Variants in REEP3 observed in about 807,000 individuals in gnomAD.
The protein encoded by REEP3 is receptor expression-enhancing protein 3.
A neutral mutation model predicts 41.3 loss-of-function variants in REEP3; 20 were observed. The ratio of observed to expected loss-of-function variants is 0.48; its 90% CI spans 0.34 to 0.70. The LOEUF is 0.70. REEP3 is among the 30% of genes least tolerant of loss of function. The pLI is 0.01. For missense variants in REEP3, 271 were observed against 308.8 expected, an observed-to-expected ratio of 0.88 and a Z score of 0.92; for synonymous variants, 104 against 101.8, an observed-to-expected ratio of 1.02 and a Z score of -0.13.
At chr10:63,577,530 C>A (rs1435261264) in intron 2 of REEP3, among the ~76,000 whole-genome samples, 1 of 152,060 alleles carries the variant, frequency 6.6e-6, no homozygotes, top group African/African-American at 2.4e-5. Flanking sequence ...TTCATGCGAT[C>A]CTCCCTCCTT....
At chr10:63,547,379 A>C (rs1404606187) in intron 1 of REEP3, among the ~76,000 whole-genome samples, 1 of 152,232 alleles carries the variant, frequency 6.6e-6, no homozygotes, top group Non-Finnish European at 1.5e-5. Context: ...AGAAGCCAAA[A>C]TGGGAGAAAA....
rs545489073 is a variant in REEP3 at position 63,609,401 on chromosome 10, G to A, written c.418-786G>A. Among the ~76,000 whole-genome samples, 9 of 146,128 alleles carry A rather than the reference G, an allele frequency of 6.2e-5. No homozygotes were observed. In the South Asian group the frequency reaches 6.6e-4, roughly 11 times the overall value. ...TGGGAGGCGGAGCTTGCAGTGAGCC[G>A]AGATTGCGCCACTGCACTCCAGCTT... On this transcript the variant is annotated intron_variant, in intron 5 of 7. Transcript: ENST00000373758.
At chr10:63,550,083 G>A (rs988897379) in intron 1 of REEP3, among the ~76,000 whole-genome samples, 1 of 152,214 alleles carries the variant, frequency 6.6e-6, no homozygotes, top group African/African-American at 2.4e-5. Context: ...TTGGGAAGCT[G>A]TTCAGTAAAT....
intron 2 of REEP3, among the ~76,000 whole-genome samples, chr10:63,571,490 C>A (rs1407857263): frequency 1.3e-5 from 2 of 152,126 alleles, no homozygotes; most frequent in Non-Finnish European, 2.9e-5. Flanking sequence ...GGGCTGAGAC[C>A]TCTTCATGCT....
chr10:63,566,535 G>T, intron 2 of REEP3, 125 bp downstream of exon 2: 1 of 576,664 alleles, frequency 1.7e-6, no homozygotes, highest in Non-Finnish European at 3.0e-6. Flanking sequence ...TGAATGTGAA[G>T]TAACAAAACT....
chr10:63,558,617 C>T (rs897744585), intron 1 of REEP3, among the ~76,000 whole-genome samples: 1 of 152,028 alleles, frequency 6.6e-6, no homozygotes, highest in East Asian at 1.9e-4. Flanking sequence ...CAAGACCCCC[C>T]TCTCTACAAA....
chr10:63,598,568 A>G (rs1026564512), intron 4 of REEP3, among the ~76,000 whole-genome samples: 5 of 149,802 alleles, frequency 3.3e-5, no homozygotes, highest in African/African-American at 1.2e-4. Flanking sequence ...GTAGATCACT[A>G]GGTCCGGAGA....
At chr10:63,576,257 C>A (rs1955898004) in intron 2 of REEP3, among the ~76,000 whole-genome samples, 1 of 152,126 alleles carries the variant, frequency 6.6e-6, no homozygotes, top group Non-Finnish European at 1.5e-5. Context: ...AGAATATTTT[C>A]CTGTGGCTGC....
chr10:63,550,546 G>GATAA (rs1010211296), intron 1 of REEP3, among the ~76,000 whole-genome samples: 25 of 152,146 alleles, frequency 1.6e-4, no homozygotes, highest in Non-Finnish European at 1.3e-4. Context: ...TAGGGGTGGG[G>GATAA]ATAAGTTAAA....
rs1251899984 is a variant in REEP3, at chr10:63,621,517, T to C, written c.*648T>C. On this transcript the variant is annotated 3_prime_UTR_variant, in exon 8 of 8. Transcript: ENST00000373758. Reference sequence around the variant, plus strand: ...TTTACTGATGCTATCTTTATTGTTTTTGCCGTATTCTGACATGTCAAATCT... The same window carrying C: ...TTTACTGATGCTATCTTTATTGTTTCTGCCGTATTCTGACATGTCAAATCT... The C allele has an allele frequency of 6.6e-6, 1 of 152,646 alleles. No individual in the cohort carries two copies. Among genetic ancestry groups the C allele is most frequent in the Non-Finnish European group, 1.5e-5 (1 of 68,028 alleles). 9.5% of individuals were successfully genotyped at this position (152,646 alleles called of 1,614,324 possible).
At chr10:63,530,071 G>A (rs915718086) in intron 1 of REEP3, among the ~76,000 whole-genome samples, 3 of 152,134 alleles carry the variant, frequency 2.0e-5, no homozygotes, top group Non-Finnish European at 4.4e-5. Context: ...GAGCCACTGC[G>A]CCCTGATGAA....
At chr10:63,541,498 G>A (rs1955527753) in intron 1 of REEP3, among the ~76,000 whole-genome samples, 1 of 152,052 alleles carries the variant, frequency 6.6e-6, no homozygotes, top group African/African-American at 2.4e-5. Context: ...TTCTATATTA[G>A]GACAAAAACA....
chr10:63,532,612 C>G (rs539108325), intron 1 of REEP3, among the ~76,000 whole-genome samples: 28 of 150,712 alleles, frequency 1.9e-4, no homozygotes, highest in Non-Finnish European at 3.1e-4. Context: ...GCCAAGATCG[C>G]GCCACTGCAC....
intron 1 of REEP3, among the ~76,000 whole-genome samples, chr10:63,553,092 T>G (rs899357487): frequency 6.6e-6 from 1 of 152,236 alleles, no homozygotes. Flanking sequence ...TTCACTTACT[T>G]TACAAAATAA....
At chr10:63,530,516 G>A (rs1955410648) in intron 1 of REEP3, among the ~76,000 whole-genome samples, 1 of 152,130 alleles carries the variant, frequency 6.6e-6, no homozygotes, top group Non-Finnish European at 1.5e-5. Context: ...CCCTGTAAGA[G>A]GTCATCTTTT....
chr10:63,619,523 C>A, intron 6 of REEP3, 132 bp from the exon 7 acceptor site: 1 of 667,712 alleles, frequency 1.5e-6, no homozygotes, highest in South Asian at 2.3e-5. Flanking sequence ...GGGCATGGAG[C>A]ACATTCCAGA....
intron 1 of REEP3, among the ~76,000 whole-genome samples, chr10:63,537,310 A>G (rs1955484061): frequency 6.6e-6 from 1 of 152,200 alleles, no homozygotes; most frequent in Non-Finnish European, 1.5e-5. Context: ...GCAAAACTGA[A>G]CAATGTATAG....
chr10:63,540,554 C>T (rs546370189), intron 1 of REEP3, among the ~76,000 whole-genome samples: 1 of 152,066 alleles, frequency 6.6e-6, no homozygotes, highest in African/African-American at 2.4e-5. Flanking sequence ...AGGAAGGAAG[C>T]TTGAGGGCAA....
At chr10:63,591,768 C>G (rs1322665437) in intron 2 of REEP3, among the ~76,000 whole-genome samples, 1 of 152,190 alleles carries the variant, frequency 6.6e-6, no homozygotes, top group East Asian at 1.9e-4. Context: ...CTTTTGAAAT[C>G]TTCAGAATGT....
Sources: allele counts gnomAD v4.1 joint callset (sites outside exome capture counted in the v4.1 genomes callset), GRCh38; gene constraint gnomAD v4.1.1; transcripts MANE v1.5; gene names NCBI Gene and HGNC (gene_info 2026-07-23, HGNC 2026-07-21).